The following PRKG1 variants were observed in gnomAD, a reference collection of about 807,000 sequenced individuals.
The protein encoded by PRKG1 is cGMP-dependent protein kinase 1.
A neutral mutation model predicts 88.1 loss-of-function variants in PRKG1; 35 were observed. That is an observed-to-expected ratio of 0.40 (90% confidence interval 0.30 to 0.53). PRKG1 has a LOEUF of 0.53. Among genes scored for constraint, PRKG1 ranks in the 20% least tolerant of loss-of-function variants. The pLI is 0.59. For missense variants in PRKG1, 540 were observed against 839.8 expected (o/e 0.64, Z 4.41); for synonymous variants, 303 against 292.5 (o/e 1.04, Z -0.37).
At chr10:51,808,611 A>G (rs1839370024) in intron 4 of PRKG1, among the ~76,000 whole-genome samples, 1 of 152,140 alleles carries the variant, frequency 6.6e-6, no homozygotes, top group Non-Finnish European at 1.5e-5. Flanking sequence ...TCAAAAAACA[A>G]AAACAGAAAC....
intron 3 of PRKG1, among the ~76,000 whole-genome samples, chr10:51,611,650 TA>T (rs1838913019): frequency 6.6e-6 from 1 of 150,526 alleles, no homozygotes; most frequent in Non-Finnish European, 1.5e-5. Flanking sequence ...CCCATTTGTC[TA>T]TTTTTTTTTT....
chr10:51,074,461 T>A, upstream of PRKG1: 1 of 1,460,464 alleles, frequency 6.8e-7, no homozygotes, highest in Non-Finnish European at 9.1e-7. Flanking sequence ...CAGGGCTGGC[T>A]TTGGTCTCAA....
chr10:51,705,378 A>G (rs1261682100), intron 3 of PRKG1, among the ~76,000 whole-genome samples: 1 of 152,220 alleles, frequency 6.6e-6, no homozygotes, highest in Non-Finnish European at 1.5e-5. Context: ...ATATTTTTAA[A>G]TTAATACAAG....
intron 2 of PRKG1, among the ~76,000 whole-genome samples, chr10:51,348,626 T>TA (rs1263609342): frequency 1.3e-5 from 2 of 152,374 alleles, no homozygotes; most frequent in East Asian, 3.9e-4. Context: ...TAGCAGGTGA[T>TA]ACTTCTCCTC....
At chr10:51,431,248 G>T (rs1442657841) in intron 2 of PRKG1, among the ~76,000 whole-genome samples, 1 of 152,158 alleles carries the variant, frequency 6.6e-6, no homozygotes, top group Non-Finnish European at 1.5e-5. Context: ...GACATGGAGA[G>T]ATCCTTGTAA....
At chr10:51,939,436 C>G (rs570108986) in intron 5 of PRKG1, among the ~76,000 whole-genome samples, 45 of 151,652 alleles carry the variant, frequency 3.0e-4, no homozygotes, top group African/African-American at 1.1e-3. Context: ...TGATTACAAC[C>G]CTGAACAGAT....
At chr10:51,490,844 T>A (rs1018168637) in intron 3 of PRKG1, among the ~76,000 whole-genome samples, 1 of 152,116 alleles carries the variant, frequency 6.6e-6, no homozygotes, top group African/African-American at 2.4e-5. Flanking sequence ...ATTGTTTGAT[T>A]TAGAAACCTC....
At chr10:52,128,749 C>A (rs573547446) in intron 7 of PRKG1, among the ~76,000 whole-genome samples, 3 of 152,178 alleles carry the variant, frequency 2.0e-5, no homozygotes, top group African/African-American at 7.2e-5. Flanking sequence ...ACAGTAGCTA[C>A]TTTTGCAGTA....
At chr10:52,015,710 C>A (rs1164383173) in intron 5 of PRKG1, among the ~76,000 whole-genome samples, 1 of 152,144 alleles carries the variant, frequency 6.6e-6, no homozygotes, top group South Asian at 2.1e-4. Flanking sequence ...TTCAAATTAT[C>A]TCTTTGTAAA....
rs1476361287 is a variant in PRKG1 at position 51,256,175 on chromosome 10, T to C, written c.478+102845T>C. Among the ~76,000 whole-genome samples, 5 of 152,284 alleles carry C rather than the reference T, an allele frequency of 3.3e-5. No individual in the cohort carries two copies. The East Asian group carries it at 7.7e-4, about 24-fold the overall frequency. On this transcript the variant is annotated intron_variant, in intron 2 of 17. Coordinates refer to ENST00000373980, the MANE Select transcript of PRKG1 (RefSeq NM_006258.4). ...TCTCCTTTCTCAGGGAAGAGATCTC[T>C]GTCTTCCCAAGAGCCCCCACAGACC...
chr10:51,268,483 T>C (rs978048051), intron 2 of PRKG1, among the ~76,000 whole-genome samples: 3 of 152,138 alleles, frequency 2.0e-5, no homozygotes, highest in Non-Finnish European at 4.4e-5. Context: ...CTCAGGGATG[T>C]TCCTTGCTGA....
At chr10:52,196,382 A>G (rs903167471) in intron 9 of PRKG1, among the ~76,000 whole-genome samples, 1 of 152,350 alleles carries the variant, frequency 6.6e-6, no homozygotes, top group East Asian at 1.9e-4. Context: ...TAAAAGATGC[A>G]TTCAAGAAAT....
At chr10:51,826,387 T>G (rs1354581359) in intron 4 of PRKG1, among the ~76,000 whole-genome samples, 1 of 152,176 alleles carries the variant, frequency 6.6e-6, no homozygotes, top group Non-Finnish European at 1.5e-5. Flanking sequence ...GAAAATTTGT[T>G]TAGCTACTCC....
At chr10:51,289,169 T>C (rs1411904161) in intron 2 of PRKG1, among the ~76,000 whole-genome samples, 1 of 152,168 alleles carries the variant, frequency 6.6e-6, no homozygotes, top group Non-Finnish European at 1.5e-5. Flanking sequence ...AACAAGTCCA[T>C]GAGCAAGTCC....
At chr10:52,063,436 G>A (rs1381029747) in intron 7 of PRKG1, among the ~76,000 whole-genome samples, 5 of 152,336 alleles carry the variant, frequency 3.3e-5, no homozygotes, top group South Asian at 2.1e-4. Flanking sequence ...GCCCTGGCTC[G>A]GGGAGCTCCC....
chr10:52,120,655 C>G (rs1233360045), intron 7 of PRKG1, among the ~76,000 whole-genome samples: 1 of 152,204 alleles, frequency 6.6e-6, no homozygotes, highest in Non-Finnish European at 1.5e-5. Context: ...GAACAATCTT[C>G]TTTGACTCCA....
intron 3 of PRKG1, among the ~76,000 whole-genome samples, chr10:51,613,426 T>C (rs1225149618): frequency 1.3e-5 from 2 of 151,912 alleles, no homozygotes; most frequent in African/African-American, 4.8e-5. Flanking sequence ...TTGATCTAGC[T>C]AGTGGTTTAT....
intron 2 of PRKG1, among the ~76,000 whole-genome samples, chr10:51,180,169 T>C (rs1277052098): frequency 6.6e-6 from 1 of 152,180 alleles, no homozygotes; most frequent in East Asian, 1.9e-4. Flanking sequence ...TGCAGGAGTT[T>C]TCGACACCAC....
chr10:51,103,907 A>G (rs1421631498), intron 1 of PRKG1, among the ~76,000 whole-genome samples: 1 of 152,230 alleles, frequency 6.6e-6, no homozygotes, highest in African/African-American at 2.4e-5. Context: ...CAGAAAACAA[A>G]ATGCTCTTCA....
Sources: allele counts gnomAD v4.1 joint callset (sites outside exome capture counted in the v4.1 genomes callset), GRCh38; gene constraint gnomAD v4.1.1; transcripts MANE v1.5; gene names NCBI Gene and HGNC (gene_info 2026-07-23, HGNC 2026-07-21).